The following ATXN7L1 variants were observed in gnomAD, a reference collection of about 807,000 sequenced individuals.
ATXN7L1 encodes ataxin 7 like 1.
ATXN7L1 carries 15 observed loss-of-function variants against 70.8 expected under a neutral mutation model. The ratio of observed to expected loss-of-function variants is 0.21; its 90% CI spans 0.14 to 0.33. The LOEUF (loss-of-function observed/expected upper bound fraction) is 0.33, where lower values mean the gene tolerates loss of function less well. Among genes scored for constraint, ATXN7L1 ranks in the 10% least tolerant of loss-of-function variants. The pLI is 1.00. For missense variants in ATXN7L1, 975 were observed against 1,097.1 expected, an observed-to-expected ratio of 0.89 and a Z score of 1.57; for synonymous variants, 440 against 445.1, an observed-to-expected ratio of 0.99 and a Z score of 0.14.
chr7:105,761,409 C>A, intron 3 of ATXN7L1: 1 of 1,614,172 alleles, frequency 6.2e-7, no homozygotes, highest in African/African-American at 1.3e-5. Context: ...GGCTTGGCTG[C>A]TCTCTGGTCC....
chr7:105,844,418 G>A (rs1355399544), intron 2 of ATXN7L1, among the ~76,000 whole-genome samples: 1 of 152,116 alleles, frequency 6.6e-6, no homozygotes, highest in Non-Finnish European at 1.5e-5. Flanking sequence ...ATGCAAGAGT[G>A]GTTCAACATA....
intron 4 of ATXN7L1, among the ~76,000 whole-genome samples, chr7:105,662,489 G>A (rs895124400): frequency 2.0e-5 from 3 of 152,288 alleles, no homozygotes; most frequent in Admixed American, 6.5e-5. Flanking sequence ...GGACTGGATT[G>A]AGTGTGGACA....
chr7:105,762,565 A>G (rs1800690234), intron 3 of ATXN7L1, among the ~76,000 whole-genome samples: 3 of 151,960 alleles, frequency 2.0e-5, no homozygotes, highest in Non-Finnish European at 2.9e-5. Flanking sequence ...CCCCTACCCA[A>G]TCACCTTTCT....
At chr7:105,839,449 T>G (rs572390036) in intron 2 of ATXN7L1, among the ~76,000 whole-genome samples, 1 of 152,306 alleles carries the variant, frequency 6.6e-6, no homozygotes, top group African/African-American at 2.4e-5. Flanking sequence ...CCGTTTGGAC[T>G]GGGTTCAAGA....
intron 3 of ATXN7L1, among the ~76,000 whole-genome samples, chr7:105,718,993 T>C (rs753457802): frequency 5.9e-5 from 9 of 152,164 alleles, no homozygotes; most frequent in Non-Finnish European, 1.0e-4. Context: ...AGGGGCCTGT[T>C]GTGTTTCCAT....
rs1792775477 is a variant in ATXN7L1 at position 105,606,617 on chromosome 7, C to T, written c.*1235G>A. ...TTTTAAAACTCCAGTGTGAATAGTTCTATGGCTGCAGGGCTCCAGCGTGGC... is the reference window on the plus strand; with the variant it reads ...TTTTAAAACTCCAGTGTGAATAGTTTTATGGCTGCAGGGCTCCAGCGTGGC... On this transcript the variant is annotated 3_prime_UTR_variant, in exon 12 of 12. Transcript: ENST00000419735. 1 of 152,228 alleles carries T rather than the reference C, an allele frequency of 6.6e-6. No individual in the cohort carries two copies. Among genetic ancestry groups the T allele is most frequent in the South Asian group, 2.1e-4 (1 of 4,816 alleles). 9.4% of individuals were successfully genotyped at this position (152,228 alleles called of 1,614,324 possible).
rs77953473 is a variant in ATXN7L1, at chr7:105,874,532, T to G, written c.250+1280A>C. Among the ~76,000 whole-genome samples the G allele has an allele frequency of 3.3e-3, 508 of 152,332 alleles. 3 individuals carry two copies. The highest frequency in any genetic ancestry group is 0.011 in the African/African-American group (464 of 41,576). On this transcript the variant is annotated intron_variant, in intron 2 of 11. Transcript: ENST00000419735. ...ATCCCTCGTGCATCCTGAAGACACC[T>G]GTCAAGATCACACTAAGATATTTAG... is the stretch of plus-strand genomic sequence containing the variant.
chr7:105,840,865 C>T (rs1813105133), intron 2 of ATXN7L1, among the ~76,000 whole-genome samples: 1 of 152,210 alleles, frequency 6.6e-6, no homozygotes, highest in Non-Finnish European at 1.5e-5. Flanking sequence ...CCTTTGCCCC[C>T]AAGTTCTGGC....
chr7:105,857,933 G>GA (rs146876841), intron 2 of ATXN7L1, among the ~76,000 whole-genome samples: 30 of 148,582 alleles, frequency 2.0e-4, no homozygotes, highest in Middle Eastern at 3.4e-3. Context: ...GCTACAGGGG[G>GA]AAAAAAAAAA....
chr7:105,683,020 AT>A (rs1805733725), intron 3 of ATXN7L1, among the ~76,000 whole-genome samples: 1 of 152,238 alleles, frequency 6.6e-6, no homozygotes, highest in Non-Finnish European at 1.5e-5. Context: ...TAGTTTCAAG[AT>A]AACTGAGTTA....
At chr7:105,760,313 G>T in intron 3 of ATXN7L1, 1 of 928,858 alleles carries the variant, frequency 1.1e-6, no homozygotes, top group Non-Finnish European at 1.3e-6. Flanking sequence ...TTAAATTCCT[G>T]CTACAACCAT....
chr7:105,712,320 C>T (rs1188463918), intron 3 of ATXN7L1, among the ~76,000 whole-genome samples: 1 of 152,232 alleles, frequency 6.6e-6, no homozygotes, highest in Non-Finnish European at 1.5e-5. Context: ...TAACATTCAG[C>T]TCCTCTTTAA....
At chr7:105,682,061 C>CA (rs1472599015) in intron 3 of ATXN7L1, among the ~76,000 whole-genome samples, 1 of 151,924 alleles carries the variant, frequency 6.6e-6, no homozygotes, top group Non-Finnish European at 1.5e-5. Flanking sequence ...CCTTTCTCTA[C>CA]AAAAAATACA....
chr7:105,755,964 C>T (rs1474916031), intron 3 of ATXN7L1, among the ~76,000 whole-genome samples: 1 of 152,170 alleles, frequency 6.6e-6, no homozygotes, highest in African/African-American at 2.4e-5. Flanking sequence ...CACCCACCTC[C>T]CTCCAAAAGT....
intron 3 of ATXN7L1, among the ~76,000 whole-genome samples, chr7:105,744,114 C>T (rs12532552): frequency 4.5e-4 from 69 of 151,966 alleles, no homozygotes; most frequent in African/African-American, 1.6e-3. Flanking sequence ...AAAACAGAAA[C>T]ATCATCACCT....
chr7:105,821,472 G>T (rs1373524086), intron 2 of ATXN7L1, among the ~76,000 whole-genome samples: 1 of 152,236 alleles, frequency 6.6e-6, no homozygotes, highest in Admixed American at 6.5e-5. Context: ...CCTCAGGAGA[G>T]TGGCTAGCAA....
At chr7:105,638,940 G>C (rs532051335) in intron 6 of ATXN7L1, among the ~76,000 whole-genome samples, 1 of 152,246 alleles carries the variant, frequency 6.6e-6, no homozygotes, top group South Asian at 2.1e-4. Flanking sequence ...TGGGAGGCTC[G>C]ATTCGGCCCA....
intron 3 of ATXN7L1, among the ~76,000 whole-genome samples, chr7:105,765,114 A>G (rs1181690580): frequency 1.3e-5 from 2 of 151,928 alleles, no homozygotes; most frequent in East Asian, 1.9e-4. Context: ...GCAGGTGATC[A>G]CTTGAGGTCA....
intron 6 of ATXN7L1, among the ~76,000 whole-genome samples, chr7:105,639,005 A>G (rs1797765856): frequency 6.6e-6 from 1 of 152,134 alleles, no homozygotes; most frequent in African/African-American, 2.4e-5. Flanking sequence ...AAGAAGCACT[A>G]GCAGTTCAGC....
Sources: allele counts gnomAD v4.1 joint callset (sites outside exome capture counted in the v4.1 genomes callset), GRCh38; gene constraint gnomAD v4.1.1; transcripts MANE v1.5; gene names NCBI Gene and HGNC (gene_info 2026-07-23, HGNC 2026-07-21).